Variants in SLC12A7 observed in about 807,000 individuals in gnomAD.
SLC12A7 encodes the protein K-Cl cotransporter 4.
A neutral mutation model predicts 120.6 loss-of-function variants in SLC12A7; 100 were observed. The observed-to-expected ratio is 0.83, with a 90% confidence interval of 0.71 to 0.98. The LOEUF (loss-of-function observed/expected upper bound fraction) is 0.98. Among genes scored for constraint, SLC12A7 ranks in the 50% least tolerant of loss-of-function variants. The pLI is 0.00. For missense variants in SLC12A7, 1,373 were observed against 1,548.1 expected, an observed-to-expected ratio of 0.89 and a Z score of 1.90; for synonymous variants, 760 against 678.0, an observed-to-expected ratio of 1.12 and a Z score of -1.88.
rs916641328 is a variant in SLC12A7 at position 1,057,662 on chromosome 5, G to C, written c.2848-13C>G. The stretch of plus-strand genomic sequence containing the variant: ...GGATCAGCTGGGCCTGGCGGGCCCG[G>C]GACTTGGTGAGACCAGCCGGTCTCA... On this transcript the variant is annotated splice_polypyrimidine_tract_variant and intron_variant, in intron 21 of 23. Coordinates refer to ENST00000264930, the MANE Select transcript of SLC12A7 (RefSeq NM_006598.3). The C allele has an allele frequency of 2.5e-6, 4 of 1,589,500 alleles. No individual in the cohort carries two copies. In the African/African-American group the frequency reaches 4.0e-5, roughly 16 times the overall value.
rs73731153 is a variant in SLC12A7 at position 1,079,563 on chromosome 5, C to A, written c.1298-67G>T. 3.9e-4 allele frequency: 520 copies of A among 1,344,990 alleles called. 6 individuals carry two copies. The African/African-American group carries it at 6.4e-3, about 17-fold the overall frequency. 83.3% of individuals were successfully genotyped at this position (1,344,990 alleles called of 1,614,324 possible). ...CAGTGCCATGTGATGGCAGCCCCTG[C>A]CCAGAAAGCTGGAAAGGCGGTCTCT... On this transcript the variant is annotated intron_variant, in intron 9 of 23. Transcript: ENST00000264930.
intron 6 of SLC12A7, among the ~76,000 whole-genome samples, chr5:1,086,598 G>A (rs1200057506): frequency 1.3e-5 from 2 of 152,236 alleles, no homozygotes; most frequent in Non-Finnish European, 1.5e-5. Flanking sequence ...TCCTAAAACA[G>A]CTCCGACTGC....
At chr5:1,096,483 G>A (rs1179244112) in intron 1 of SLC12A7, among the ~76,000 whole-genome samples, 2 of 151,940 alleles carry the variant, frequency 1.3e-5, no homozygotes, top group South Asian at 2.1e-4. Context: ...TTTCCAAGAT[G>A]AGTCCCATCC....
At chr5:1,139,681 C>T in the SLC12A7 span, among the ~76,000 whole-genome samples, 1 of 152,236 alleles carries the variant, frequency 6.6e-6, no homozygotes, top group Non-Finnish European at 1.5e-5. Flanking sequence ...GTGCACACGG[C>T]GAGCTTGCTT....
intron 17 of SLC12A7, among the ~76,000 whole-genome samples, chr5:1,068,691 T>C (rs574054000): frequency 2.0e-5 from 3 of 152,322 alleles, no homozygotes; most frequent in African/African-American, 7.2e-5. Context: ...CGGGCTCCTG[T>C]CTGAGGCTGC....
chr5:1,058,780 G>A (rs1347487859), intron 21 of SLC12A7, among the ~76,000 whole-genome samples: 2 of 152,198 alleles, frequency 1.3e-5, no homozygotes, highest in Non-Finnish European at 2.9e-5. Context: ...TGAAACCAGA[G>A]CCCAAGGGCT....
In SLC12A7 at chr5:1,087,050, G is replaced by A. The variant is rs369192262; in HGVS notation, c.545-17C>T. 8.7e-6 allele frequency: 14 copies of A among 1,605,916 alleles called. No individual in the cohort carries two copies. The highest frequency in any genetic ancestry group is 6.7e-5 in the African/African-American group (5 of 74,746). On this transcript the variant is annotated splice_polypyrimidine_tract_variant and intron_variant, in intron 5 of 23. Coordinates refer to ENST00000264930, the MANE Select transcript of SLC12A7 (RefSeq NM_006598.3). ...ACCCGCCAGCTGCGGAGACAAAGGC[G>A]GCAGCCGCGGGTCAGGGGCGCACTT...
At chr5:1,127,070 A>G in the SLC12A7 span, among the ~76,000 whole-genome samples, 1 of 152,066 alleles carries the variant, frequency 6.6e-6, no homozygotes, top group Admixed American at 6.6e-5. Context: ...GCTGAAGTGC[A>G]GTGGCGCAAT....
At chr5:1,067,777 G>A (rs1174320352) in intron 17 of SLC12A7, among the ~76,000 whole-genome samples, 1 of 149,792 alleles carries the variant, frequency 6.7e-6, no homozygotes, top group Non-Finnish European at 1.5e-5. Flanking sequence ...GCCCTGGCCT[G>A]GCAGGAACTC....
intron 20 of SLC12A7, among the ~76,000 whole-genome samples, chr5:1,061,799 GAAA>G (rs36074518): frequency 0.13 from 9,026 of 70,844 alleles, 370 homozygotes; most frequent in African/African-American, 0.14. Context: ...AAAATACAAA[GAAA>G]AAAAAAAAAA....
chr5:1,056,594 T>C (rs1295613652), intron 22 of SLC12A7: 2 of 985,198 alleles, frequency 2.0e-6, no homozygotes, highest in African/African-American at 3.5e-5. Flanking sequence ...GTTTCCCCAT[T>C]CTCTATGCAG....
chr5:1,146,120 C>T, the SLC12A7 span, among the ~76,000 whole-genome samples: 2 of 152,222 alleles, frequency 1.3e-5, no homozygotes, highest in African/African-American at 4.8e-5. The surrounding 1 kb of genome is among the most constrained non-coding windows in gnomAD (Gnocchi z 6.5). Context: ...ATTGACCTTT[C>T]TGTGTCTGGC....
chr5:1,091,923 A>AG (rs1341241948), intron 3 of SLC12A7, among the ~76,000 whole-genome samples: 3 of 136,896 alleles, frequency 2.2e-5, no homozygotes, highest in South Asian at 2.5e-4. Flanking sequence ...AGCTACAGAC[A>AG]GGGGGGGCGG....
In SLC12A7 at chr5:1,061,250, A is replaced by G. The variant is rs1164921890; in HGVS notation, c.2740-799T>C. ...ACCCGCCGTACCTGCCGCATCCGCC[A>G]TGCGGAACCCCTGCGTCTCACCCAC... On this transcript the variant is annotated intron_variant, in intron 20 of 23. Coordinates refer to ENST00000264930, the MANE Select transcript of SLC12A7 (RefSeq NM_006598.3). Among the ~76,000 whole-genome samples the G allele has an allele frequency of 3.9e-3, 30 of 7,754 alleles. 1 individual carries two copies. Among genetic ancestry groups the G allele is most frequent in the Admixed American group, 9.8e-3 (3 of 306 alleles). The allele number at this position is 7,754 out of a possible 152,430, so 5.1% of individuals were successfully genotyped here.
intron 12 of SLC12A7, 145 bp downstream of exon 12, chr5:1,077,688 G>A: frequency 1.2e-6 from 1 of 840,072 alleles, no homozygotes; most frequent in Non-Finnish European, 1.8e-6. Flanking sequence ...CCCATGCTCT[G>A]TGCAGTGGCC....
intron 3 of SLC12A7, among the ~76,000 whole-genome samples, chr5:1,090,916 G>A (rs1280780929): frequency 1.3e-5 from 2 of 152,214 alleles, no homozygotes; most frequent in African/African-American, 4.8e-5. Flanking sequence ...CTCAATGGGA[G>A]CAGGTCTGCT....
In SLC12A7 at chr5:1,075,356, G is replaced by C; in HGVS notation, c.1967+15C>G. 1.9e-6 allele frequency: 3 copies of C among 1,606,234 alleles called. No homozygotes were observed. The highest frequency in any genetic ancestry group is 2.6e-6 in the Non-Finnish European group (3 of 1,174,646). ...CCCGTGCGCCGGGTCTGTAAGGGGG[G>C]CTGACAGCGCTTACCCGCGGTACTC... On this transcript the variant is annotated intron_variant, in intron 15 of 23. Transcript: ENST00000264930.
At chr5:1,061,511 G>A (rs1330671481) in intron 20 of SLC12A7, among the ~76,000 whole-genome samples, 1 of 105,732 alleles carries the variant, frequency 9.5e-6, no homozygotes, top group African/African-American at 4.1e-5. Flanking sequence ...CTCACCCGCC[G>A]CACCCGCCGC....
At chr5:1,136,793 G>A in the SLC12A7 span, among the ~76,000 whole-genome samples, 8 of 137,022 alleles carry the variant, frequency 5.8e-5, no homozygotes, top group African/African-American at 2.3e-4. Flanking sequence ...ACCAGGACAC[G>A]CAGGCACACA....
Sources: allele counts gnomAD v4.1 joint callset (sites outside exome capture counted in the v4.1 genomes callset), GRCh38; gene constraint gnomAD v4.1.1; non-coding constraint Gnocchi (gnomAD v3.1); transcripts MANE v1.5; gene names NCBI Gene and HGNC (gene_info 2026-07-23, HGNC 2026-07-21).